The following CYP2B6 variants were observed in gnomAD, a reference collection of about 807,000 sequenced individuals.
CYP2B6 encodes cytochrome P450 2B6.
CYP2B6 carries 35 observed loss-of-function variants against 43.4 expected under a neutral mutation model. The observed-to-expected ratio is 0.81, with a 90% CI of 0.62 to 1.07. The LOEUF (loss-of-function observed/expected upper bound fraction) is 1.07. Ranked by LOEUF, CYP2B6 falls within the 50% of genes least tolerant of loss-of-function variation. The probability of loss-of-function intolerance (pLI) is 0.00; values close to 1 mark genes in which losing one functional copy is unlikely to be tolerated. For synonymous variants in CYP2B6, 239 were observed against 239.2 expected, an observed-to-expected ratio of 1.00 and a Z score of 0.01; for missense variants, 624 against 632.8, an observed-to-expected ratio of 0.99 and a Z score of 0.15.
intron 1 of CYP2B6, among the ~76,000 whole-genome samples, chr19:40,994,296 CA>C (rs1968966834): frequency 6.6e-6 from 1 of 152,074 alleles, no homozygotes; most frequent in Non-Finnish European, 1.5e-5. Context: ...ACAGAGTAAG[CA>C]AACCTCAAGA....
At chr19:41,010,454 C>A in intron 6 of CYP2B6, among the ~76,000 whole-genome samples, 1 of 149,814 alleles carries the variant, frequency 6.7e-6, no homozygotes, top group African/African-American at 2.5e-5. Flanking sequence ...CGCTCTGTCA[C>A]CCAGGCTGGA....
At chr19:41,002,968 C>T (rs1255366830) in intron 1 of CYP2B6, among the ~76,000 whole-genome samples, 1 of 152,042 alleles carries the variant, frequency 6.6e-6, no homozygotes, top group East Asian at 1.9e-4. Flanking sequence ...GTGGTTTGTT[C>T]TTTTTTGTTG....
At chr19:40,999,653 G>A (rs1376192500) in intron 1 of CYP2B6, among the ~76,000 whole-genome samples, 3 of 152,070 alleles carry the variant, frequency 2.0e-5, no homozygotes, top group Non-Finnish European at 2.9e-5. Flanking sequence ...TTCATAGAAA[G>A]TGGAGGCTTG....
chr19:41,002,306 C>A (rs77528739), intron 1 of CYP2B6, among the ~76,000 whole-genome samples: 200 of 152,156 alleles, frequency 1.3e-3, no homozygotes, highest in African/African-American at 4.7e-3. Context: ...CAATGCAGGG[C>A]ATTTGTAAGT....
rs773668190 is a variant in CYP2B6, at chr19:41,004,410, G to C, written c.448G>C (p.Ala150Pro). ...RSVEERIQEE[A>P]QCLIEELRKS... is the part of the protein sequence containing the mutation. ...TGTGGAGGAGCGGATTCAGGAGGAG[G>C]CTCAGTGTCTGATAGAGGAGCTTCG... The change falls in exon 3 of 9, where the codon GCT becomes CCT. Residue 150 changes from alanine (A) to proline (P), a missense_variant. Physicochemically the swap from Ala to Pro is conservative, Grantham distance 27 (BLOSUM62 -1). Coordinates refer to ENST00000324071, the MANE Select transcript of CYP2B6 (RefSeq NM_000767.5). 10 of 1,613,962 alleles carry C rather than the reference G, an allele frequency of 6.2e-6. No homozygotes were observed. In the Admixed American group the frequency reaches 1.2e-4, roughly 19 times the overall value.
chr19:41,003,685 T>C (rs562641454), intron 1 of CYP2B6, among the ~76,000 whole-genome samples: 9 of 152,302 alleles, frequency 5.9e-5, no homozygotes, highest in East Asian at 1.9e-4. Context: ...TGTTTTGTTT[T>C]GTTTTAGCTT....
At position 41,018,135 on chromosome 19, in the gene CYP2B6, T is replaced by C. The variant is rs545313171; in HGVS notation, c.*1308T>C. 1.3e-5 allele frequency: 2 copies of C among 152,302 alleles called. No homozygotes were observed. The highest frequency in any genetic ancestry group is 6.5e-5 in the Admixed American group (1 of 15,290). The allele number at this position is 152,302 out of a possible 1,614,324, so 9.4% of individuals were successfully genotyped here. On this transcript the variant is annotated 3_prime_UTR_variant, in exon 9 of 9. Transcript: ENST00000324071. ...CTGATATTACAGGCATAATATGTGA[T>C]CTTTTGTGTCTGGTTGCTTTCATGT...
intron 7 of CYP2B6, 75 bp downstream of exon 7, chr19:41,012,560 T>A: frequency 6.2e-7 from 1 of 1,609,352 alleles, no homozygotes. Context: ...CTCAACCTTT[T>A]GTTAGCTCCT....
intron 1 of CYP2B6, among the ~76,000 whole-genome samples, chr19:40,996,339 A>C (rs1968999010): frequency 6.6e-6 from 1 of 152,174 alleles, no homozygotes; most frequent in Non-Finnish European, 1.5e-5. Flanking sequence ...GTCTAGTGAA[A>C]CAAGTACCTC....
intron 1 of CYP2B6, among the ~76,000 whole-genome samples, chr19:40,997,203 G>A (rs1426323804): frequency 6.6e-6 from 1 of 152,008 alleles, no homozygotes; most frequent in African/African-American, 2.4e-5. Flanking sequence ...AGGAGTGTGG[G>A]TAGGGAGTGC....
chr19:40,991,573 AGGG>A, intron 1 of CYP2B6, 97 bp downstream of exon 1: 1 of 1,382,006 alleles, frequency 7.2e-7, no homozygotes, highest in Admixed American at 1.7e-5. Context: ...TTCCAGAGTC[AGGG>A]GTGGCACGGG....
intron 1 of CYP2B6, among the ~76,000 whole-genome samples, chr19:40,995,610 T>C (rs1470872359): frequency 6.6e-6 from 1 of 152,236 alleles, no homozygotes; most frequent in African/African-American, 2.4e-5. Flanking sequence ...CCTTGCATTA[T>C]TGAGTCATAT....
intron 1 of CYP2B6, among the ~76,000 whole-genome samples, chr19:40,994,531 G>A (rs146428713): frequency 5.6e-4 from 85 of 152,132 alleles, no homozygotes; most frequent in African/African-American, 2.0e-3. Context: ...TAATAGAGTT[G>A]GGGTCGTGCT....
chr19:41,007,377 T>C (rs1171120836), intron 4 of CYP2B6: 3 of 388,982 alleles, frequency 7.7e-6, no homozygotes, highest in African/African-American at 4.1e-5. Flanking sequence ...ACAGAGTTGA[T>C]GAGAATGAGT....
intron 1 of CYP2B6, among the ~76,000 whole-genome samples, chr19:40,995,932 C>T (rs1459653379): frequency 1.3e-5 from 2 of 152,166 alleles, no homozygotes; most frequent in African/African-American, 2.4e-5. Context: ...CGAACAAAGG[C>T]TTTTCCTACT....
chr19:41,001,190 A>T (rs1307316454), intron 1 of CYP2B6, among the ~76,000 whole-genome samples: 1 of 152,134 alleles, frequency 6.6e-6, no homozygotes, highest in African/African-American at 2.4e-5. Context: ...CCTAGACTAA[A>T]GCTGCTTAAC....
intron 8 of CYP2B6, among the ~76,000 whole-genome samples, chr19:41,015,661 C>G (rs956595888): frequency 2.6e-5 from 4 of 152,162 alleles, no homozygotes; most frequent in Non-Finnish European, 5.9e-5. Context: ...GTCTCATACG[C>G]ATCAGTCCCA....
Position 41,003,016 on chromosome 19 carries a change from T to C in CYP2B6, c.172-985T>C, listed in dbSNP as rs575977593. 2.6e-5 allele frequency among the ~76,000 whole-genome samples: 4 copies of C among 152,286 alleles called. No individual in the cohort carries two copies. The South Asian group carries it at 8.3e-4, about 32-fold the overall frequency. On this transcript the variant is annotated intron_variant, in intron 1 of 8. Coordinates refer to ENST00000324071, the MANE Select transcript of CYP2B6 (RefSeq NM_000767.5). Reference sequence around the variant, plus strand: ...CTATTGTGAGAACCCTCACTGATTGTCTATATCTATATTGATGAGCATTTT... The same window carrying C: ...CTATTGTGAGAACCCTCACTGATTGCCTATATCTATATTGATGAGCATTTT...
At chr19:40,996,453 T>C (rs575959142) in intron 1 of CYP2B6, among the ~76,000 whole-genome samples, 15 of 152,150 alleles carry the variant, frequency 9.9e-5, no homozygotes, top group Non-Finnish European at 2.2e-4. Context: ...ATAGAAATGC[T>C]TTAATACAAC....
Sources: allele counts gnomAD v4.1 joint callset (sites outside exome capture counted in the v4.1 genomes callset), GRCh38; gene constraint gnomAD v4.1.1; transcripts MANE v1.5; gene names NCBI Gene and HGNC (gene_info 2026-07-23, HGNC 2026-07-21).